The following RUFY2 variants were observed in gnomAD, a reference collection of about 807,000 sequenced individuals.
The protein encoded by RUFY2 is RUN and FYVE domain containing 2.
In RUFY2, 49 loss-of-function variants were observed where a neutral mutation model predicts 94.4. The observed-to-expected ratio is 0.52, with a 90% CI of 0.41 to 0.66. The LOEUF (loss-of-function observed/expected upper bound fraction) is 0.66, where lower values mean the gene tolerates loss of function less well. Among genes scored for constraint, RUFY2 ranks in the 30% least tolerant of loss-of-function variants. The pLI, the probability that RUFY2 is intolerant of heterozygous loss-of-function variation, is 0.00. For missense variants in RUFY2, 541 were observed against 692.8 expected, an observed-to-expected ratio of 0.78 and a Z score of 2.46; for synonymous variants, 255 against 235.7, an observed-to-expected ratio of 1.08 and a Z score of -0.75.
At chr10:68,394,159 T>A (rs2050207057) in intron 5 of RUFY2, 23 bp from the exon 6 acceptor site, 3 of 1,485,736 alleles carry the variant, frequency 2.0e-6, no homozygotes, top group Non-Finnish European at 2.7e-6. Flanking sequence ...AAGTTTTTTT[T>A]AATTTAAAGG....
chr10:68,363,686 T>C lies in RUFY2; in HGVS notation c.1456-2A>G, dbSNP rs1430546941. Reference sequence around the variant, plus strand: ...TTCATCCTGGAGGTTAAGGAACTCCTTCAGAACAATAAAAGACAGAAAATG... The same window carrying C: ...TTCATCCTGGAGGTTAAGGAACTCCCTCAGAACAATAAAAGACAGAAAATG... On this transcript the variant is annotated splice_acceptor_variant, in intron 14 of 17. Coordinates refer to ENST00000602465, the MANE Select transcript of RUFY2 (RefSeq NM_001330103.2). LOFTEE classifies it high-confidence loss of function. The C allele has an allele frequency of 1.9e-6, 3 of 1,547,238 alleles. No individual in the cohort carries two copies. The highest frequency in any genetic ancestry group is 2.6e-6 in the Non-Finnish European group (3 of 1,138,826).
intron 8 of RUFY2, among the ~76,000 whole-genome samples, chr10:68,385,024 G>C (rs963147248): frequency 1.3e-5 from 2 of 152,202 alleles, no homozygotes; most frequent in East Asian, 3.8e-4. Context: ...AGTACTTTGG[G>C]AGGCCGAGGC....
Position 68,346,091 on chromosome 10 carries a change from G to A in RUFY2, c.1600-7C>T, listed in dbSNP as rs760596071. The A allele has an allele frequency of 5.5e-5, 88 of 1,600,932 alleles. 1 individual carries two copies. The highest frequency in any genetic ancestry group is 5.0e-4 in the Middle Eastern group (3 of 6,000). On this transcript the variant is annotated splice_region_variant and splice_polypyrimidine_tract_variant and intron_variant, in intron 16 of 17. Coordinates refer to ENST00000602465, the MANE Select transcript of RUFY2 (RefSeq NM_001330103.2). ...CTTTCAGCCAAACCAGTCCCTAGTA[G>A]GAAGAAAATATTAATGCTCAAATTG...
chr10:68,386,047 A>G lies in RUFY2; in HGVS notation c.720+12T>C. On this transcript the variant is annotated intron_variant, in intron 8 of 17. Transcript: ENST00000602465. ...CTAGGTCCATGAAATACATTTATCC[A>G]TTAGACAATACCTCTTCAATCAGCT... 6.4e-7 allele frequency: 1 copy of G among 1,567,772 alleles called. No homozygotes were observed. The highest frequency in any genetic ancestry group is 8.7e-7 in the Non-Finnish European group (1 of 1,145,368).
intron 15 of RUFY2, among the ~76,000 whole-genome samples, chr10:68,362,193 GGT>G (rs1049378973): frequency 9.9e-5 from 15 of 152,108 alleles, no homozygotes; most frequent in African/African-American, 3.6e-4. Flanking sequence ...CAGGTATGGT[GGT>G]GTGCGTCTGT....
At position 68,383,821 on chromosome 10, in the gene RUFY2, G is replaced by A; in HGVS notation, c.916C>T (p.Arg306Ter). 6.2e-7 allele frequency: 1 copy of A among 1,612,634 alleles called. No homozygotes were observed. Among genetic ancestry groups the A allele is most frequent in the Non-Finnish European group, 8.5e-7 (1 of 1,178,840 alleles). Residue 306 changes from arginine to a stop codon, truncating the protein, a stop_gained, in exon 10 of 18, where the codon CGA becomes TGA. Coordinates refer to ENST00000602465, the MANE Select transcript of RUFY2 (RefSeq NM_001330103.2). LOFTEE classifies it high-confidence loss of function. ...EMYNEARRQLRDESQLRQDVE... is the reference protein window; with the variant it reads ...EMYNEARRQL ...ACCTGTCGTAACTGAGATTCATCTC[G>A]AAGCTGCCTTCTGGCTTCATTGTAC...
At chr10:68,379,085 G>A (rs775067234) in intron 12 of RUFY2, 2 of 266,154 alleles carry the variant, frequency 7.5e-6, no homozygotes, top group East Asian at 9.2e-5. Context: ...AATATGCATG[G>A]AAATCAATCA....
At chr10:68,397,343 T>C (rs543931258) in intron 3 of RUFY2, among the ~76,000 whole-genome samples, 2 of 152,290 alleles carry the variant, frequency 1.3e-5, no homozygotes, top group Admixed American at 1.3e-4. Flanking sequence ...AACATGGAAA[T>C]GGTAAAGTCA....
At chr10:68,398,993 A>AAAAATCTT (rs2050611251) in intron 3 of RUFY2, among the ~76,000 whole-genome samples, 3 of 152,056 alleles carry the variant, frequency 2.0e-5, no homozygotes, top group African/African-American at 7.2e-5. Flanking sequence ...TACACCTGAT[A>AAAAATCTT]TACCAAAAAT....
Position 68,344,265 on chromosome 10 carries a change from G to A in RUFY2, c.*1503C>T, listed in dbSNP as rs1337724506. 6.6e-6 allele frequency: 1 copy of A among 152,162 alleles called. No individual in the cohort carries two copies. The highest frequency in any genetic ancestry group is 2.4e-5 in the African/African-American group (1 of 41,434). 9.4% of individuals were successfully genotyped at this position (152,162 alleles called of 1,614,324 possible). A position where few individuals can be genotyped will look rare whatever the true frequency, so the allele number is the denominator to read the frequency against. ...TTTCATGGAAGCATATATTCATGAA[G>A]AAAAGATCCTGCAGTATTAATAAGA... On this transcript the variant is annotated 3_prime_UTR_variant, in exon 18 of 18. Coordinates refer to ENST00000602465, the MANE Select transcript of RUFY2 (RefSeq NM_001330103.2).
intron 4 of RUFY2, 27 bp from the exon 5 acceptor site, chr10:68,394,478 T>C: frequency 6.6e-7 from 1 of 1,521,442 alleles, no homozygotes; most frequent in Non-Finnish European, 9.1e-7. Flanking sequence ...AATAAGGACT[T>C]TAAATCACAA....
rs186956830 is a variant in RUFY2 at position 68,351,323 on chromosome 10, A to G, written c.1599+4030T>C. On this transcript the variant is annotated intron_variant, in intron 16 of 17. Coordinates refer to ENST00000602465, the MANE Select transcript of RUFY2 (RefSeq NM_001330103.2). ...ATTTTTTCTTTTGTATCTATAGTAG[A>G]GGTGAGGTTTCACCATGTTGGCCAA... 7.0e-4 allele frequency among the ~76,000 whole-genome samples: 106 copies of G among 150,690 alleles called. 1 individual carries two copies. In the East Asian group the frequency reaches 0.017, roughly 24 times the overall value.
At position 68,371,659 on chromosome 10, in the gene RUFY2, T is replaced by TA. The variant is rs761113119; in HGVS notation, c.1325+5193dup. Among the ~76,000 whole-genome samples, 37 of 148,876 alleles carry TA rather than the reference T, an allele frequency of 2.5e-4. 1 individual carries two copies. Among genetic ancestry groups the TA allele is most frequent in the African/African-American group, 1.2e-4 (5 of 40,760 alleles). On this transcript the variant is annotated intron_variant, in intron 13 of 17. Coordinates refer to ENST00000602465, the MANE Select transcript of RUFY2 (RefSeq NM_001330103.2). The stretch of plus-strand genomic sequence containing the variant: ...AAGGGGAGAAGAAAGCAACTGACAC[T>TA]AAAAAAAAATCTGAAAAAGTAATGG...
At chr10:68,378,866 T>C (rs1216132167) in intron 12 of RUFY2, among the ~76,000 whole-genome samples, 1 of 152,216 alleles carries the variant, frequency 6.6e-6, no homozygotes, top group African/African-American at 2.4e-5. Flanking sequence ...AAAAGACATA[T>C]GTTGACACCA....
At chr10:68,374,433 A>G (rs1023836397) in intron 13 of RUFY2, among the ~76,000 whole-genome samples, 3 of 152,218 alleles carry the variant, frequency 2.0e-5, no homozygotes, top group Non-Finnish European at 4.4e-5. Context: ...GAAGTACATC[A>G]TATAATGACA....
At chr10:68,352,914 C>T (rs1021845350) in intron 16 of RUFY2, among the ~76,000 whole-genome samples, 4 of 146,846 alleles carry the variant, frequency 2.7e-5, no homozygotes, top group African/African-American at 5.0e-5. Context: ...AGGGAGACTC[C>T]ATCTCAAAAA....
Position 68,345,775 on chromosome 10 carries a change from A to G in RUFY2, c.1814T>C (p.Leu605Ser), listed in dbSNP as rs777301744. 15 of 1,611,678 alleles carry G rather than the reference A, an allele frequency of 9.3e-6. No individual in the cohort carries two copies. Among genetic ancestry groups the G allele is most frequent in the Non-Finnish European group, 1.3e-5 (15 of 1,178,928 alleles). The change falls in exon 18 of 18, where the codon TTG (leucine) becomes TCG (serine). Residue 605 changes from leucine (L) to serine (S), a missense_variant. This residue lies in a region of RUFY2 where 403 missense variants were observed against 480.7 expected (regional missense o/e 0.84). Transcript: ENST00000602465. ...ALLIQRCSSN[L>S]P ...GGATTTAGTTCTGGAGTCTCAGGGC[A>G]AGTTAGATGAGCATCTCTGAATGAG... is the stretch of plus-strand genomic sequence containing the variant.
chr10:68,379,481 G>C lies in RUFY2; in HGVS notation c.1148C>G (p.Ala383Gly). The change falls in exon 12 of 18, where the codon GCC becomes GGC. Residue 383 changes from alanine to glycine, a missense_variant. By Grantham distance (60) the Ala-to-Gly change is moderately conservative. This residue lies in a region of RUFY2 where 403 missense variants were observed against 480.7 expected (regional missense o/e 0.84). Coordinates refer to ENST00000602465, the MANE Select transcript of RUFY2 (RefSeq NM_001330103.2). ...DGLKEKNEII[A>G]RLEEKTNKIT... ...TTTATTGGTTTTTTCTTCTAGTCGG[G>C]CAATTATTTCATTTTTTTCTTTCAA... The C allele has an allele frequency of 6.2e-7, 1 of 1,612,558 alleles. No homozygotes were observed. The highest frequency in any genetic ancestry group is 1.3e-5 in the African/African-American group (1 of 74,814).
At chr10:68,350,856 G>A (rs2046611952) in intron 16 of RUFY2, among the ~76,000 whole-genome samples, 1 of 151,758 alleles carries the variant, frequency 6.6e-6, no homozygotes, top group Non-Finnish European at 1.5e-5. Flanking sequence ...AGGGTTACAG[G>A]CATGCACCAC....
Sources: gnomAD v4.1 joint callset for allele counts (sites outside exome capture counted in the v4.1 genomes callset) on GRCh38, gnomAD v4.1.1 for gene constraint, gnomAD v4.1.1 regional missense constraint, MANE v1.5 for transcripts, NCBI Gene and HGNC (gene_info 2026-07-23, HGNC 2026-07-21) for gene names.